TTC6: variants seen among roughly 807,000 people sequenced by gnomAD.
TTC6 encodes the protein tetratricopeptide repeat domain 6.
A neutral mutation model predicts 210.4 loss-of-function variants in TTC6; 172 were observed. The ratio of observed to expected loss-of-function variants is 0.82; its 90% CI spans 0.72 to 0.93. The LOEUF (loss-of-function observed/expected upper bound fraction) is 0.93. TTC6 is among the 40% of genes least tolerant of loss of function. TTC6 has a pLI of 0.00. For synonymous variants in TTC6, 804 were observed against 819.6 expected (o/e 0.98, Z 0.32); for missense variants, 2,414 against 2,318.1 (o/e 1.04, Z -0.85).
chr14:37,666,446 CAAAAA>C (rs11416752), intron 1 of TTC6, among the ~76,000 whole-genome samples: 2 of 122,080 alleles, frequency 1.6e-5, no homozygotes, highest in Non-Finnish European at 3.6e-5. Context: ...GGCCCTGTCT[CAAAAA>C]AAAAAAAAAA....
chr14:37,654,089 T>G (rs997594699), intron 1 of TTC6, among the ~76,000 whole-genome samples: 4 of 151,498 alleles, frequency 2.6e-5, no homozygotes, highest in African/African-American at 7.4e-5. Context: ...AGTTTGTATG[T>G]TTGTTCATGC....
At chr14:37,643,123 TA>T (rs777874145) in intron 1 of TTC6, among the ~76,000 whole-genome samples, 14 of 151,964 alleles carry the variant, frequency 9.2e-5, no homozygotes, top group Non-Finnish European at 1.3e-4. Context: ...GCCTGGCCAA[TA>T]TGGCAAAACC....
intron 29 of TTC6, among the ~76,000 whole-genome samples, chr14:37,829,969 C>T (rs776819233): frequency 6.6e-6 from 1 of 152,092 alleles, no homozygotes; most frequent in Non-Finnish European, 1.5e-5. Context: ...CATCACCAGA[C>T]TATTTGCCAA....
chr14:37,815,361 A>T (rs753934893), intron 25 of TTC6, among the ~76,000 whole-genome samples: 2 of 152,076 alleles, frequency 1.3e-5, no homozygotes, highest in Non-Finnish European at 2.9e-5. Context: ...TGGCGGGGTG[A>T]TGGTTTCGGA....
At chr14:37,764,398 A>G (rs148862979) in intron 14 of TTC6, among the ~76,000 whole-genome samples, 121 of 152,258 alleles carry the variant, frequency 7.9e-4, no homozygotes, top group Middle Eastern at 3.4e-3. Context: ...TTATTATAGA[A>G]TTGTTTATTT....
At chr14:37,827,559 C>T (rs1301242317) in intron 29 of TTC6, among the ~76,000 whole-genome samples, 193 bp downstream of exon 31, 1 of 151,814 alleles carries the variant, frequency 6.6e-6, no homozygotes, top group African/African-American at 2.4e-5. Context: ...TGGATTTATT[C>T]TCCTCATTAA....
At chr14:37,759,378 G>A (rs2095977393) in intron 14 of TTC6, among the ~76,000 whole-genome samples, 1 of 152,164 alleles carries the variant, frequency 6.6e-6, no homozygotes, top group Admixed American at 6.6e-5. Flanking sequence ...TCCACTGTTA[G>A]TCTGATGGGC....
At chr14:37,721,641 C>T (rs1034598672) in intron 6 of TTC6, among the ~76,000 whole-genome samples, 30 of 151,852 alleles carry the variant, frequency 2.0e-4, no homozygotes, top group Non-Finnish European at 4.3e-4. Context: ...CAGTTCACAA[C>T]TCAAACAATA....
At chr14:37,831,057 G>A (rs1270800079) in intron 29 of TTC6, among the ~76,000 whole-genome samples, 1 of 151,964 alleles carries the variant, frequency 6.6e-6, no homozygotes, top group Non-Finnish European at 1.5e-5. Flanking sequence ...GTTCCCATTA[G>A]CCAACCTGTC....
At position 37,787,889 on chromosome 14, in the gene TTC6, C is replaced by CTCTGTG. The variant is rs71433929; in HGVS notation, c.3436+253_3436+254insCTGTGT. Among the ~76,000 whole-genome samples the CTCTGTG allele has an allele frequency of 1.1e-3, 159 of 147,312 alleles. 1 individual carries two copies. The highest frequency in any genetic ancestry group is 3.9e-3 in the African/African-American group (155 of 39,918). On this transcript the variant is annotated intron_variant, in intron 15 of 30. Transcript: ENST00000553443. ...ATATGCCCTTTATGTGTGTGTGTGT[C>CTCTGTG]TGTGTGTGTGTGTGTGTGTGTGTGT...
chr14:37,744,244 A>G (rs1283149441), intron 10 of TTC6, among the ~76,000 whole-genome samples: 1 of 152,222 alleles, frequency 6.6e-6, no homozygotes, highest in Non-Finnish European at 1.5e-5. Context: ...CAAGGAGCAT[A>G]GGGCAAGGAA....
intron 14 of TTC6, among the ~76,000 whole-genome samples, chr14:37,778,915 C>T (rs2096046454): frequency 6.6e-6 from 1 of 152,162 alleles, no homozygotes; most frequent in African/African-American, 2.4e-5. Context: ...GCTAAAGTCT[C>T]CAAGGGGAGC....
intron 30 of TTC6, 49 bp from the exon 33 acceptor site, chr14:37,842,090 TGTAAAAAAAGAGACTA>T: frequency 7.3e-7 from 1 of 1,367,504 alleles, no homozygotes. Context: ...AATTTTTTTT[TGTAAAAAAAGAGACTA>T]TTTTTTGAGT....
chr14:37,642,202 C>G (rs1029718493), intron 1 of TTC6, among the ~76,000 whole-genome samples: 1 of 152,188 alleles, frequency 6.6e-6, no homozygotes, highest in Non-Finnish European at 1.5e-5. Context: ...AGCTTCTCAG[C>G]CTAGCACACC....
chr14:37,698,883 T>C (rs2095819618), intron 4 of TTC6, among the ~76,000 whole-genome samples: 2 of 152,170 alleles, frequency 1.3e-5, no homozygotes, highest in Admixed American at 6.5e-5. Context: ...GGTTAGGGAT[T>C]TTTATCCTCA....
At chr14:37,828,493 A>G (rs1012588853) in intron 29 of TTC6, among the ~76,000 whole-genome samples, 4 of 152,094 alleles carry the variant, frequency 2.6e-5, no homozygotes, top group Non-Finnish European at 5.9e-5. Context: ...GGTGAAATAC[A>G]CATAACATAA....
At chr14:37,714,919 T>A (rs1566905808) in intron 6 of TTC6, 123 bp downstream of exon 8, 1 of 879,506 alleles carries the variant, frequency 1.1e-6, no homozygotes, top group Non-Finnish European at 1.7e-6. Flanking sequence ...AGCTCACGCC[T>A]GTAATCCCAG....
intron 20 of TTC6, among the ~76,000 whole-genome samples, chr14:37,800,953 A>T (rs1181149272): frequency 1.3e-5 from 2 of 152,112 alleles, no homozygotes; most frequent in Non-Finnish European, 2.9e-5. Flanking sequence ...AGGAAAAAGG[A>T]CCCAGAAGGC....
chr14:37,623,541 C>A (rs976614046), intron 1 of TTC6, among the ~76,000 whole-genome samples: 2 of 152,160 alleles, frequency 1.3e-5, no homozygotes. Flanking sequence ...TTTGTAAGTG[C>A]TTCTTGTGTG....
Sources: gnomAD v4.1 joint callset for allele counts (sites outside exome capture counted in the v4.1 genomes callset) on GRCh38, gnomAD v4.1.1 for gene constraint, MANE v1.5 for transcripts, NCBI Gene and HGNC (gene_info 2026-07-23, HGNC 2026-07-21) for gene names.